The following ZP3 variants were observed in gnomAD, a reference collection of about 807,000 sequenced individuals.
ZP3 encodes zona pellucida glycoprotein 3, also known as zona pellucida sperm-binding protein 3.
Under a neutral mutation model 35.6 loss-of-function variants are expected in ZP3, and 21 were observed. The observed-to-expected ratio is 0.59, with a 90% confidence interval of 0.42 to 0.85. ZP3 has a LOEUF of 0.85. Among genes scored for constraint, ZP3 ranks in the 40% least tolerant of loss-of-function variants. The pLI, the probability that ZP3 is intolerant of heterozygous loss-of-function variation, is 0.00. For missense variants in ZP3, 437 were observed against 536.5 expected (o/e 0.81, Z 1.83); for synonymous variants, 207 against 214.5 (o/e 0.96, Z 0.31).
At chr7:76,427,245 A>G (rs35029472) in intron 1 of ZP3, among the ~76,000 whole-genome samples, 96,742 of 151,852 alleles carry the variant, frequency 0.64, 31,720 homozygotes, top group African/African-American at 0.79. Flanking sequence ...GGCCGTGCGC[A>G]GTGGCTCACG....
chr7:76,430,596 G>A (rs567949582), intron 2 of ZP3, among the ~76,000 whole-genome samples: 14 of 152,190 alleles, frequency 9.2e-5, no homozygotes, highest in Non-Finnish European at 1.5e-4. Flanking sequence ...TTAGCCGAGT[G>A]TGGTAGCGCG....
chr7:76,432,984 G>T lies in ZP3; in HGVS notation c.489G>T (p.Thr163=). The T allele has an allele frequency of 6.2e-7, 1 of 1,614,120 alleles. No homozygotes were observed. The highest frequency in any genetic ancestry group is 8.5e-7 in the Non-Finnish European group (1 of 1,180,026). The change falls in exon 3 of 8, where the codon ACG becomes ACT. Residue 163 remains threonine, a synonymous_variant. Coordinates refer to ENST00000394857, the MANE Select transcript of ZP3 (RefSeq NM_001110354.2). ...ILPTWLPFRT[T]VFSEEKLTFS... The stretch of plus-strand genomic sequence containing the variant: ...CCACCTGGTTGCCCTTCAGGACCAC[G>T]GTGTTCTCAGAGGAGAAGCTGACTT...
At chr7:76,412,541 T>G (rs1038192269) in intron 1 of ZP3, among the ~76,000 whole-genome samples, 1 of 152,214 alleles carries the variant, frequency 6.6e-6, no homozygotes, top group Admixed American at 6.5e-5. Context: ...GGTTTTGGTA[T>G]TATAATTTTA....
At chr7:76,432,508 G>A (rs1398129036) in intron 2 of ZP3, among the ~76,000 whole-genome samples, 2 of 151,970 alleles carry the variant, frequency 1.3e-5, no homozygotes, top group African/African-American at 4.8e-5. Context: ...TAGAGATAGA[G>A]TCTTGCTATG....
chr7:76,436,046 T>TCCC (rs1335503818), intron 5 of ZP3, among the ~76,000 whole-genome samples: 2 of 40,576 alleles, frequency 4.9e-5, no homozygotes, highest in African/African-American at 1.5e-4. Flanking sequence ...TTTTTTTTTT[T>TCCC]TTTTTTTTTT....
In ZP3 at chr7:76,405,308, TATATA is replaced by T. The variant is rs1262935214; in HGVS notation, c.-67+7512_-67+7516del. 1.4e-3 allele frequency among the ~76,000 whole-genome samples: 91 copies of T among 64,400 alleles called. 2 individuals carry two copies. Among genetic ancestry groups the T allele is most frequent in the African/African-American group, 6.3e-3 (90 of 14,330 alleles). 42.2% of individuals were successfully genotyped at this position (64,400 alleles called of 152,430 possible). ...ATATATATATATATATATATATATATATATATATGTATTTTTTTCTTTCTTTCTTT... is the reference window on the plus strand; with the variant it reads ...ATATATATATATATATATATATATATTATGTATTTTTTTCTTTCTTTCTTT... On this transcript the variant is annotated intron_variant, in intron 1 of 8. Transcript: ENST00000336517.
upstream of ZP3, among the ~76,000 whole-genome samples, chr7:76,420,599 C>G (rs1805482504): frequency 6.6e-6 from 1 of 151,954 alleles, no homozygotes; most frequent in Non-Finnish European, 1.5e-5. Context: ...CTTTTTTTGT[C>G]TGTTTTATAC....
chr7:76,399,499 A>G (rs1804745213), intron 1 of ZP3, among the ~76,000 whole-genome samples: 1 of 152,000 alleles, frequency 6.6e-6, no homozygotes, highest in South Asian at 2.1e-4. Flanking sequence ...GCTCTATGCC[A>G]CGTGGAGCGC....
intron 1 of ZP3, among the ~76,000 whole-genome samples, chr7:76,405,339 C>CTTT (rs1193527373): frequency 4.7e-5 from 1 of 21,392 alleles, no homozygotes; most frequent in Non-Finnish European, 8.0e-5. Context: ...TTCTTTCTTT[C>CTTT]TTTTTTTTTT....
intron 1 of ZP3, among the ~76,000 whole-genome samples, chr7:76,410,354 CTTT>C (rs5885000): frequency 4.9e-5 from 7 of 142,372 alleles, no homozygotes; most frequent in Admixed American, 7.0e-5. Context: ...TTGTGTAGTT[CTTT>C]TTTTTTTTTT....
At chr7:76,408,204 C>CT (rs1805104714) in intron 1 of ZP3, among the ~76,000 whole-genome samples, 1 of 152,066 alleles carries the variant, frequency 6.6e-6, no homozygotes. Context: ...CTCTCTCTGG[C>CT]TTTACCTGTG....
At chr7:76,397,530 C>T in exon 1 of ZP3, 3 of 1,566,082 alleles carry the variant, frequency 1.9e-6, no homozygotes, top group Non-Finnish European at 2.6e-6. Flanking sequence ...GCGCAGAGCG[C>T]GCCCGCGTCC....
At chr7:76,415,507 T>A (rs910516083) in intron 1 of ZP3, among the ~76,000 whole-genome samples, 13 of 151,698 alleles carry the variant, frequency 8.6e-5, no homozygotes, top group East Asian at 2.0e-4. Flanking sequence ...TTATTTATTT[T>A]TTTTGAGACA....
chr7:76,433,029 G>T lies in ZP3; in HGVS notation c.534G>T (p.Glu178Asp). ...TGACTTTCTCTCTGCGTCTGATGGAGGGTAAGAGAAGAAGGCTGGGTGGGA... is the reference window on the plus strand; with the variant it reads ...TGACTTTCTCTCTGCGTCTGATGGATGGTAAGAGAAGAAGGCTGGGTGGGA... Reference protein sequence around the residue: ...EKLTFSLRLMEENWNAEKRSP... With the variant: ...EKLTFSLRLMDENWNAEKRSP... Residue 178 changes from glutamate (E) to aspartate (D), a missense_variant and splice_region_variant, in exon 3 of 8, where the codon GAG becomes GAT. Transcript: ENST00000394857. The T allele has an allele frequency of 6.2e-7, 1 of 1,612,416 alleles. No homozygotes were observed. The highest frequency in any genetic ancestry group is 8.5e-7 in the Non-Finnish European group (1 of 1,179,298).
chr7:76,425,169 G>T lies in ZP3; in HGVS notation c.205G>T (p.Ala69Ser). The change falls in exon 1 of 8, where the codon GCT becomes TCT. Residue 69 changes from alanine (A) to serine (S), a missense_variant. By Grantham distance (99) the Ala-to-Ser change is moderately conservative (BLOSUM62 1). Coordinates refer to ENST00000394857, the MANE Select transcript of ZP3 (RefSeq NM_001110354.2). ...TGGCACCGGGAAGCTCATCAGGGCTGCTGACCTCACCTTGGGCCCAGAGGC... is the reference window on the plus strand; with the variant it reads ...TGGCACCGGGAAGCTCATCAGGGCTTCTGACCTCACCTTGGGCCCAGAGGC... The part of the protein sequence containing the change: ...LFGTGKLIRA[A>S]DLTLGPEACE... The T allele has an allele frequency of 6.2e-7, 1 of 1,614,014 alleles. No individual in the cohort carries two copies. The highest frequency in any genetic ancestry group is 8.5e-7 in the Non-Finnish European group (1 of 1,180,022).
At chr7:76,404,456 G>A (rs1033331893) in intron 1 of ZP3, 2 of 1,613,846 alleles carry the variant, frequency 1.2e-6, no homozygotes, top group African/African-American at 2.7e-5. Context: ...GGTGAAGGGT[G>A]TTTCAGATGC....
At chr7:76,440,435 G>T (rs1806161566) in intron 6 of ZP3, 40 bp from the exon 7 acceptor site, 2 of 1,608,420 alleles carry the variant, frequency 1.2e-6, no homozygotes, top group Non-Finnish European at 1.7e-6. Context: ...ACTGCTTCCT[G>T]CAGGCAACAA....
At chr7:76,429,246 G>A in intron 1 of ZP3, 1 of 440,340 alleles carries the variant, frequency 2.3e-6, no homozygotes, top group Non-Finnish European at 4.3e-6. Context: ...TACCTGTCCT[G>A]CCTCTTTCCT....
chr7:76,403,555 C>T (rs1296379362), intron 1 of ZP3, among the ~76,000 whole-genome samples: 1 of 151,766 alleles, frequency 6.6e-6, no homozygotes, highest in Non-Finnish European at 1.5e-5. Flanking sequence ...CCGGGCTGGT[C>T]CTGAACTCCT....
Sources: gnomAD v4.1 joint callset for allele counts (sites outside exome capture counted in the v4.1 genomes callset) on GRCh38, gnomAD v4.1.1 for gene constraint, MANE v1.5 for transcripts, NCBI Gene and HGNC (gene_info 2026-07-23, HGNC 2026-07-21) for gene names.